Variants in GNE observed in about 807,000 individuals in gnomAD.
GNE encodes the protein glucosamine (UDP-N-acetyl)-2-epimerase/N-acetylmannosamine kinase, also known as bifunctional UDP-N-acetylglucosamine 2-epimerase/N-acetylmannosamine kinase.
Under a neutral mutation model 61.8 loss-of-function variants are expected in GNE, and 41 were observed. That is an observed-to-expected ratio of 0.66 (90% CI 0.52 to 0.86). The LOEUF (loss-of-function observed/expected upper bound fraction) is 0.86, where lower values mean the gene tolerates loss of function less well. Among genes scored for constraint, GNE ranks in the 40% least tolerant of loss-of-function variants. The pLI is 0.00. For synonymous variants in GNE, 264 were observed against 326.4 expected, an observed-to-expected ratio of 0.81 and a Z score of 2.06; for missense variants, 608 against 909.1, an observed-to-expected ratio of 0.67 and a Z score of 4.26.
intron 1 of GNE, chr9:36,265,444 G>A: frequency 6.6e-6 from 3 of 456,706 alleles, no homozygotes; most frequent in South Asian, 3.1e-5. Flanking sequence ...AGTCAAGGAT[G>A]TTGCCATGTA....
intron 3 of GNE, among the ~76,000 whole-genome samples, chr9:36,239,124 G>T (rs1829529868): frequency 6.6e-6 from 1 of 152,108 alleles, no homozygotes; most frequent in Non-Finnish European, 1.5e-5. Context: ...TGCTGTTTTG[G>T]TGACTATGGC....
At chr9:36,258,175 G>T in intron 1 of GNE, 146 bp downstream of exon 1, 1 of 275,082 alleles carries the variant, frequency 3.6e-6, no homozygotes, top group Non-Finnish European at 5.5e-6. Context: ...GACATTGGGC[G>T]AGAGCCGGGT....
At chr9:36,229,553 A>G (rs543550797) in intron 5 of GNE, among the ~76,000 whole-genome samples, 1 of 152,270 alleles carries the variant, frequency 6.6e-6, no homozygotes, top group South Asian at 2.1e-4. Flanking sequence ...AAATGGCCAC[A>G]CTGTTCAATG....
chr9:36,269,664 C>CTTTTTTTTTTT lies in GNE; in HGVS notation c.51+7219_51+7229dup, dbSNP rs71336438. On this transcript the variant is annotated intron_variant, in intron 1 of 11. Coordinates refer to the GNE transcript ENST00000396594. The stretch of plus-strand genomic sequence containing the variant: ...TGTTGTTGGGTTTTCTTTCTTCTTT[C>CTTTTTTTTTTT]TTTTTTTTTTTTTTTGAGACGGAGT... Among the ~76,000 whole-genome samples the CTTTTTTTTTTT allele has an allele frequency of 1.2e-4, 16 of 134,316 alleles. 1 individual carries two copies. Among genetic ancestry groups the CTTTTTTTTTTT allele is most frequent in the Non-Finnish European group, 1.9e-4 (12 of 64,750 alleles). 88.1% of individuals were successfully genotyped at this position (134,316 alleles called of 152,430 possible).
chr9:36,222,584 C>T (rs1253339059), intron 9 of GNE, among the ~76,000 whole-genome samples, 193 bp downstream of exon 9: 1 of 152,124 alleles, frequency 6.6e-6, no homozygotes, highest in African/African-American at 2.4e-5. Context: ...CTGACAAGTT[C>T]CTGGAATTTA....
chr9:36,251,047 G>A (rs944679218), intron 1 of GNE, among the ~76,000 whole-genome samples: 1 of 152,078 alleles, frequency 6.6e-6, no homozygotes, highest in African/African-American at 2.4e-5. Flanking sequence ...ACCCTTCTCT[G>A]TGCCAAAGTG....
chr9:36,222,431 A>AC (rs1563929735), intron 9 of GNE, among the ~76,000 whole-genome samples: 1 of 151,956 alleles, frequency 6.6e-6, no homozygotes, highest in African/African-American at 2.4e-5. Flanking sequence ...AAAAAAAAAA[A>AC]AAAACATTTC....
At chr9:36,250,489 A>G (rs1345935872) in intron 1 of GNE, among the ~76,000 whole-genome samples, 1 of 152,150 alleles carries the variant, frequency 6.6e-6, no homozygotes, top group Non-Finnish European at 1.5e-5. Context: ...ATTCATCCAA[A>G]TGCCTTCAAA....
Position 36,265,385 on chromosome 9 carries a change from C to T in GNE, c.51+11509G>A, listed in dbSNP as rs770095557. On this transcript the variant is annotated intron_variant, in intron 1 of 11. Coordinates refer to the GNE transcript ENST00000396594. ...TGGGAGCTCTGGGAGCAAGGACCCC[C>T]GGTAACATTGTGATGTCTGCCATGT... The T allele has an allele frequency of 3.9e-4, 180 of 456,104 alleles. 1 individual carries two copies. Among genetic ancestry groups the T allele is most frequent in the Non-Finnish European group, 6.8e-4 (154 of 226,670 alleles). The allele number at this position is 456,104 out of a possible 1,614,324, so 28.3% of individuals were successfully genotyped here. A position where few individuals can be genotyped will look rare whatever the true frequency, so the allele number is the denominator to read the frequency against.
chr9:36,225,367 G>A (rs1179501560), intron 7 of GNE, among the ~76,000 whole-genome samples: 4 of 152,076 alleles, frequency 2.6e-5, no homozygotes, highest in Non-Finnish European at 4.4e-5. Flanking sequence ...AGGCACGGTC[G>A]CTCACACCTG....
chr9:36,268,200 G>A (rs779033459), intron 1 of GNE, among the ~76,000 whole-genome samples: 2 of 152,120 alleles, frequency 1.3e-5, no homozygotes, highest in Non-Finnish European at 2.9e-5. Flanking sequence ...CTTGGGAAAT[G>A]AAGTGAGTCA....
intron 5 of GNE, among the ~76,000 whole-genome samples, chr9:36,231,091 AAGAG>A (rs749133221): frequency 0.047 from 6,308 of 135,210 alleles, 142 homozygotes; most frequent in Non-Finnish European, 0.064. Context: ...AAAAGAAAGA[AAGAG>A]AGAGAGAGAA....
intron 3 of GNE, among the ~76,000 whole-genome samples, chr9:36,242,482 G>A (rs959832185): frequency 2.0e-5 from 3 of 151,846 alleles, no homozygotes; most frequent in Admixed American, 1.3e-4. Flanking sequence ...GCAGTGGCGC[G>A]ATCTCGGCTC....
At chr9:36,256,338 G>A (rs547196753) in intron 1 of GNE, among the ~76,000 whole-genome samples, 116 of 148,638 alleles carry the variant, frequency 7.8e-4, no homozygotes, top group Middle Eastern at 3.5e-3. Context: ...TCCGCTTCCT[G>A]GGTTCAAGCG....
At chr9:36,240,883 G>A (rs1829605124) in intron 3 of GNE, among the ~76,000 whole-genome samples, 1 of 152,032 alleles carries the variant, frequency 6.6e-6, no homozygotes, top group Non-Finnish European at 1.5e-5. Flanking sequence ...AGCTAGTAGG[G>A]TTGTATTTTT....
At chr9:36,265,919 G>T (rs1220733405) in intron 1 of GNE, among the ~76,000 whole-genome samples, 3 of 152,066 alleles carry the variant, frequency 2.0e-5, no homozygotes. Context: ...ATGCGGCCCA[G>T]TTATTTTTTT....
intron 9 of GNE, among the ~76,000 whole-genome samples, chr9:36,221,260 T>C (rs1321515770): frequency 1.3e-5 from 2 of 152,124 alleles, no homozygotes; most frequent in East Asian, 1.9e-4. Context: ...GGCAGTGAGC[T>C]GAGATTGTGC....
intron 1 of GNE, chr9:36,265,121 C>A: frequency 3.5e-6 from 1 of 285,414 alleles, no homozygotes; most frequent in South Asian, 3.6e-5. Flanking sequence ...CACTGCTGCT[C>A]CCGATCGGGC....
chr9:36,255,249 C>G lies in GNE; in HGVS notation c.-43+3072G>C, dbSNP rs552798030. Among the ~76,000 whole-genome samples the G allele has an allele frequency of 3.3e-5, 5 of 152,144 alleles. No homozygotes were observed. In the South Asian group the frequency reaches 1.0e-3, roughly 32 times the overall value. On this transcript the variant is annotated intron_variant, in intron 1 of 11. Transcript: ENST00000642385. ...TTGAGACGGAGTGTCACTCTGTTGCCCAGGCTGGAGTGCAGTGGTGCGACC... is the reference window on the plus strand; with the variant it reads ...TTGAGACGGAGTGTCACTCTGTTGCGCAGGCTGGAGTGCAGTGGTGCGACC...
Sources: gnomAD v4.1 joint callset for allele counts (sites outside exome capture counted in the v4.1 genomes callset) on GRCh38, gnomAD v4.1.1 for gene constraint, MANE v1.5 for transcripts, NCBI Gene and HGNC (gene_info 2026-07-23, HGNC 2026-07-21) for gene names.